Variants in SP1 observed in about 807,000 individuals in gnomAD.
SP1 encodes Sp1 transcription factor.
Under a neutral mutation model 66.3 loss-of-function variants are expected in SP1, and 6 were observed. The ratio of observed to expected loss-of-function variants is 0.09; its 90% CI spans 0.05 to 0.18. The LOEUF (loss-of-function observed/expected upper bound fraction) is 0.18, where lower values mean the gene tolerates loss of function less well. Among genes scored for constraint, SP1 ranks in the 10% least tolerant of loss-of-function variants. SP1 has a pLI of 1.00. For missense variants in SP1, 848 were observed against 964.5 expected, an observed-to-expected ratio of 0.88 and a Z score of 1.60; for synonymous variants, 417 against 360.8, an observed-to-expected ratio of 1.16 and a Z score of -1.77.
chr12:53,406,621 G>A lies in SP1; in HGVS notation c.1712G>A (p.Gly571Asp). The A allele has an allele frequency of 6.2e-7, 1 of 1,614,000 alleles. No homozygotes were observed. The highest frequency in any genetic ancestry group is 8.5e-7 in the Non-Finnish European group (1 of 1,179,978). Reference protein sequence around the residue: ...HGAQLGLHGAGGDGIHDDTAG... With the variant: ...HGAQLGLHGADGDGIHDDTAG... ...GCTCAGCTTGGTCTCCATGGGGCTG[G>A]TGGTGATGGAATACATGATGACACA... The change falls in exon 4 of 6, where the codon GGT becomes GAT. Residue 571 changes from glycine (G) to aspartate (D), a missense_variant. Transcript: ENST00000327443.
rs1475350667 is a variant in SP1, at chr12:53,414,836, C to G, written c.*3596C>G. On this transcript the variant is annotated 3_prime_UTR_variant, in exon 6 of 6. Transcript: ENST00000327443. ...TTAGGGGGAGCCCTGGTGCTACTTGCTTGAAGTTTTCAGTGTAAGTACCCT... is the reference window on the plus strand; with the variant it reads ...TTAGGGGGAGCCCTGGTGCTACTTGGTTGAAGTTTTCAGTGTAAGTACCCT... The G allele has an allele frequency of 6.6e-6, 1 of 152,516 alleles. No homozygotes were observed. Among genetic ancestry groups the G allele is most frequent in the Non-Finnish European group, 1.5e-5 (1 of 68,032 alleles). The allele number at this position is 152,516 out of a possible 1,614,324, so 9.4% of individuals were successfully genotyped here.
intron 3 of SP1, among the ~76,000 whole-genome samples, chr12:53,386,591 C>T (rs757652108): frequency 3.3e-5 from 5 of 149,352 alleles, no homozygotes; most frequent in Non-Finnish European, 7.4e-5. Flanking sequence ...TCCTGAGTTC[C>T]AGTGATTCTC....
At chr12:53,393,790 G>C (rs1184529741) in intron 3 of SP1, among the ~76,000 whole-genome samples, 14 of 151,408 alleles carry the variant, frequency 9.2e-5, no homozygotes. Flanking sequence ...TAGAGACGGG[G>C]TTTCATCATG....
At chr12:53,410,788 C>T in intron 5 of SP1, 139 bp from the exon 6 acceptor site, 2 of 699,592 alleles carry the variant, frequency 2.9e-6, no homozygotes, top group Non-Finnish European at 4.9e-6. Flanking sequence ...CCACCACGCC[C>T]AGCCACTTGA....
At chr12:53,405,024 T>C (rs34148420) in intron 3 of SP1, among the ~76,000 whole-genome samples, 27,353 of 151,840 alleles carry the variant, frequency 0.18, 2,570 homozygotes, top group Admixed American at 0.2. Flanking sequence ...GTTTTTGTAT[T>C]TTTAGTAGAG....
intron 3 of SP1, among the ~76,000 whole-genome samples, chr12:53,384,647 C>A (rs1195579479): frequency 2.0e-5 from 3 of 152,160 alleles, no homozygotes; most frequent in Non-Finnish European, 4.4e-5. Flanking sequence ...CCATTCTTAG[C>A]TCTAAGGCCT....
In SP1 at chr12:53,383,262, C is replaced by A. The variant is rs1047754976; in HGVS notation, c.1315C>A (p.Gln439Lys). The A allele has an allele frequency of 1.2e-6, 2 of 1,614,136 alleles. No homozygotes were observed. Among genetic ancestry groups the A allele is most frequent in the Admixed American group, 3.3e-5 (2 of 60,004 alleles). ...AISQETLQNL[Q>K]LQAVPNSGPI... ...CTCCCAGGAAACCCTCCAGAACCTC[C>A]AGCTTCAGGCTGTTCCAAACTCTGG... Residue 439 changes from glutamine (Q) to lysine (K), a missense_variant, in exon 3 of 6, where the codon CAG becomes AAG. By Grantham distance (53) the Gln-to-Lys change is moderately conservative (BLOSUM62 1). Transcript: ENST00000327443.
intron 4 of SP1, among the ~76,000 whole-genome samples, chr12:53,408,292 A>G (rs1382211320): frequency 7.0e-6 from 1 of 141,918 alleles, no homozygotes; most frequent in Non-Finnish European, 1.5e-5. Flanking sequence ...GCTGGAGTGC[A>G]ACGGCACGAT....
Position 53,382,846 on chromosome 12 carries a change from C to G in SP1, c.899C>G (p.Thr300Ser). ...CAGGAGAGTGGCTCACAGCCTGTCACCTCAGGGACTACCATCAGTTCTGCC... is the reference window on the plus strand; with the variant it reads ...CAGGAGAGTGGCTCACAGCCTGTCAGCTCAGGGACTACCATCAGTTCTGCC... ...GSQESGSQPV[T>S]SGTTISSASL... The change falls in exon 3 of 6, where the codon ACC becomes AGC. Residue 300 changes from threonine (T) to serine (S), a missense_variant. By Grantham distance (58) the Thr-to-Ser change is moderately conservative (BLOSUM62 1). Around this residue, in one of 7 missense-constraint regions of SP1, gnomAD observed 606 missense variants for 589.9 expected, o/e 1.03. Coordinates refer to ENST00000327443, the MANE Select transcript of SP1 (RefSeq NM_138473.3). The G allele has an allele frequency of 5.6e-6, 9 of 1,614,186 alleles. No homozygotes were observed. The highest frequency in any genetic ancestry group is 7.6e-6 in the Non-Finnish European group (9 of 1,180,022).
At chr12:53,386,479 C>CTTTTTTTT (rs372557385) in intron 3 of SP1, among the ~76,000 whole-genome samples, 14 of 121,264 alleles carry the variant, frequency 1.2e-4, no homozygotes, top group Admixed American at 1.8e-4. Flanking sequence ...TAGACTGTAT[C>CTTTTTTTT]TTTTTTTTTT....
At chr12:53,401,464 A>G (rs1379100161) in intron 3 of SP1, among the ~76,000 whole-genome samples, 2 of 151,804 alleles carry the variant, frequency 1.3e-5, no homozygotes, top group Non-Finnish European at 2.9e-5. Flanking sequence ...TGGGAAAAAA[A>G]AAAAAAAAAA....
intron 3 of SP1, among the ~76,000 whole-genome samples, chr12:53,392,804 GTTTTGTT>G (rs371538233): frequency 4.7e-5 from 7 of 148,408 alleles, no homozygotes; most frequent in African/African-American, 1.5e-4. Context: ...CTAGAAGGAG[GTTTTGTT>G]TTTTGTTTTT....
chr12:53,402,737 C>T (rs1421343064), intron 3 of SP1, among the ~76,000 whole-genome samples: 1 of 127,576 alleles, frequency 7.8e-6, no homozygotes, highest in Non-Finnish European at 1.7e-5. Context: ...GAGGTCGAGG[C>T]GGGCGGATCA....
chr12:53,381,023 C>T (rs1224621319), intron 1 of SP1, among the ~76,000 whole-genome samples: 2 of 137,568 alleles, frequency 1.5e-5, no homozygotes, highest in Admixed American at 1.6e-4. Context: ...GCGATCTCGG[C>T]TCACTGCAAC....
rs1938961703 is a variant in SP1 at position 53,414,697 on chromosome 12, T to A, written c.*3457T>A. 1 of 152,662 alleles carries A rather than the reference T, an allele frequency of 6.6e-6. No individual in the cohort carries two copies. The highest frequency in any genetic ancestry group is 1.5e-5 in the Non-Finnish European group (1 of 68,048). 9.5% of individuals were successfully genotyped at this position (152,662 alleles called of 1,614,324 possible). A position where few individuals can be genotyped will look rare whatever the true frequency, so the allele number is the denominator to read the frequency against. Reference sequence around the variant, plus strand: ...GACTTTCAAAATATATTTTGTATTGTTAATATCTTCACATTGTGTGAATAC... The same window carrying A: ...GACTTTCAAAATATATTTTGTATTGATAATATCTTCACATTGTGTGAATAC... On this transcript the variant is annotated 3_prime_UTR_variant, in exon 6 of 6. Transcript: ENST00000327443.
intron 4 of SP1, among the ~76,000 whole-genome samples, chr12:53,408,875 C>T (rs866191623): frequency 2.7e-5 from 4 of 150,848 alleles, no homozygotes; most frequent in Non-Finnish European, 5.9e-5. Flanking sequence ...TATTACACTC[C>T]AGCCTGGGCG....
At position 53,382,218 on chromosome 12, in the gene SP1, G is replaced by A; in HGVS notation, c.271G>A (p.Gly91Ser). ...GGGCCCGAGTCAGTCAGGGGGAACA[G>A]GTGAGCTTGACCTCACAGCCACACA... is the stretch of plus-strand genomic sequence containing the variant. ...SQGPSQSGGT[G>S]ELDLTATQLS... Residue 91 changes from glycine to serine, a missense_variant, in exon 3 of 6, where the codon GGT becomes AGT. Coordinates refer to ENST00000327443, the MANE Select transcript of SP1 (RefSeq NM_138473.3). 6.2e-7 allele frequency: 1 copy of A among 1,614,180 alleles called. No individual in the cohort carries two copies. Among genetic ancestry groups the A allele is most frequent in the Non-Finnish European group, 8.5e-7 (1 of 1,180,038 alleles).
chr12:53,391,903 A>G (rs184339818), intron 3 of SP1, among the ~76,000 whole-genome samples: 90 of 152,174 alleles, frequency 5.9e-4, no homozygotes, highest in Admixed American at 5.4e-3. Flanking sequence ...TTCCAGCTGC[A>G]TCCAGACATG....
chr12:53,381,803 G>T lies in SP1; in HGVS notation c.152G>T (p.Gly51Val). 6.2e-7 allele frequency: 1 copy of T among 1,612,986 alleles called. No homozygotes were observed. Among genetic ancestry groups the T allele is most frequent in the Non-Finnish European group, 8.5e-7 (1 of 1,179,672 alleles). Reference protein sequence around the residue: ...SSTGSSSSTGGGGQESQPSPL... With the variant: ...SSTGSSSSTGVGGQESQPSPL... ...ACAGGCAGTAGCAGCAGCACTGGAG[G>T]AGGAGGGCAGGTAAGTGATAATCAT... The change falls in exon 2 of 6, where the codon GGA (glycine) becomes GTA (valine). Residue 51 changes from glycine to valine, a missense_variant. This residue lies in a region of SP1 where 84 missense variants were observed against 73.9 expected (regional missense o/e 1.14). Transcript: ENST00000327443.
Sources: gnomAD v4.1 joint callset for allele counts (sites outside exome capture counted in the v4.1 genomes callset) on GRCh38, gnomAD v4.1.1 for gene constraint, gnomAD v4.1.1 regional missense constraint, MANE v1.5 for transcripts, NCBI Gene and HGNC (gene_info 2026-07-23, HGNC 2026-07-21) for gene names.